The following SLC61A1 variants were observed in gnomAD, a reference collection of about 807,000 sequenced individuals.
SLC61A1 encodes the protein major facilitator superfamily domain containing 5.
At chr12:53,253,266 T>G in the SLC61A1 span, 9 of 1,614,264 alleles carry the variant, frequency 5.6e-6, no homozygotes, top group Non-Finnish European at 6.8e-6. Flanking sequence ...ACAGCCCTGC[T>G]CTTCTCAGCC....
chr12:53,253,749 A>G, the SLC61A1 span: 1 of 1,613,932 alleles, frequency 6.2e-7, no homozygotes, highest in Non-Finnish European at 8.5e-7. Flanking sequence ...GCCACCTCCA[A>G]GAGGTACCAC....
At chr12:53,251,839 C>T in the SLC61A1 span, 2 of 1,537,310 alleles carry the variant, frequency 1.3e-6, no homozygotes, top group Non-Finnish European at 1.7e-6. Flanking sequence ...TACCGGACTG[C>T]GGGCATCTTT....
At chr12:53,252,801 C>G in the SLC61A1 span, 4 of 1,610,316 alleles carry the variant, frequency 2.5e-6, no homozygotes, top group Non-Finnish European at 3.4e-6. Flanking sequence ...GGCTCTGACT[C>G]CCACCTCTCT....
At chr12:53,252,875 G>T in the SLC61A1 span, 1 of 1,614,088 alleles carries the variant, frequency 6.2e-7, no homozygotes, top group African/African-American at 1.3e-5. Context: ...AGGCCTCCTG[G>T]CCTCCTGCCT....
the SLC61A1 span, chr12:53,252,349 C>T: frequency 3.7e-6 from 5 of 1,343,772 alleles, no homozygotes; most frequent in South Asian, 1.8e-5. Flanking sequence ...GTGCCAGTGA[C>T]CTGGAGGAGT....
At chr12:53,251,952 GAGGCC>G in the SLC61A1 span, 4 of 1,537,048 alleles carry the variant, frequency 2.6e-6, no homozygotes, top group East Asian at 4.9e-5. Context: ...GGCAGCGAGC[GAGGCC>G]AGGCCAGGAG....
chr12:53,252,685 GT>G, the SLC61A1 span: 1 of 1,249,604 alleles, frequency 8.0e-7, no homozygotes, highest in Non-Finnish European at 1.1e-6. Context: ...CACCCAACTG[GT>G]CCCTCCGGTC....
the SLC61A1 span, chr12:53,251,931 T>G: frequency 6.5e-7 from 1 of 1,537,186 alleles, no homozygotes; most frequent in Non-Finnish European, 8.7e-7. Flanking sequence ...GAGGAGCAGG[T>G]GTCACGGGAT....
chr12:53,252,863 G>A, the SLC61A1 span: 5 of 1,614,008 alleles, frequency 3.1e-6, no homozygotes, highest in South Asian at 4.4e-5. Context: ...CCTTGCTTTT[G>A]TAGGCCTCCT....
At chr12:53,252,078 G>T in the SLC61A1 span, 1 of 1,463,598 alleles carries the variant, frequency 6.8e-7, no homozygotes, top group South Asian at 1.4e-5. Context: ...GCGGGGTTTT[G>T]GCGCCGCGCC....
the SLC61A1 span, chr12:53,253,993 C>T: frequency 1.2e-6 from 2 of 1,614,098 alleles, no homozygotes; most frequent in Non-Finnish European, 8.5e-7. Context: ...TACCTCTGCA[C>T]TCACTGGCTT....
the SLC61A1 span, chr12:53,254,256 C>T: frequency 1.3e-6 from 2 of 1,527,534 alleles, no homozygotes; most frequent in Admixed American, 3.9e-5. Context: ...GTACAGATCT[C>T]TCTGTGACTG....
the SLC61A1 span, chr12:53,252,762 C>G: frequency 7.6e-6 from 12 of 1,572,324 alleles, no homozygotes; most frequent in East Asian, 2.2e-4. Flanking sequence ...AAGACAGCCC[C>G]TTGACCGTGC....
Sources: allele counts gnomAD v4.1 joint callset, GRCh38; gene constraint gnomAD v4.1.1; transcripts MANE v1.5; gene names NCBI Gene and HGNC (gene_info 2026-07-23, HGNC 2026-07-21).